The following CTNNA1 variants were observed in gnomAD, a reference collection of about 807,000 sequenced individuals.
The protein encoded by CTNNA1 is catenin alpha 1, also known as catenin alpha-1.
In CTNNA1, 37 loss-of-function variants were observed where a neutral mutation model predicts 98.4. That is an observed-to-expected ratio of 0.38 (90% CI 0.29 to 0.49). CTNNA1 has a LOEUF of 0.49. Ranked by LOEUF, CTNNA1 falls within the 20% of genes least tolerant of loss-of-function variation. The pLI is 0.95. For missense variants in CTNNA1, 761 were observed against 1,147.2 expected (o/e 0.66, Z 4.86); for synonymous variants, 404 against 413.2 (o/e 0.98, Z 0.27).
At chr5:138,895,956 C>T (rs288004) in intron 9 of CTNNA1, among the ~76,000 whole-genome samples, 48,705 of 152,022 alleles carry the variant, frequency 0.32, 8,071 homozygotes, top group African/African-American at 0.41. Context: ...CCAAATAAAA[C>T]AGTATAAAAA....
chr5:138,878,756 AG>A (rs990158543), intron 7 of CTNNA1, among the ~76,000 whole-genome samples: 18 of 152,184 alleles, frequency 1.2e-4, no homozygotes, highest in Admixed American at 1.1e-3. Context: ...GAGGGTAGAG[AG>A]GGAGCTTTAT....
chr5:138,776,558 G>A (rs969652167), intron 1 of CTNNA1, among the ~76,000 whole-genome samples: 3 of 152,194 alleles, frequency 2.0e-5, no homozygotes, highest in African/African-American at 2.4e-5. Flanking sequence ...TGAGCTGCTG[G>A]GCACACCTCC....
chr5:138,882,063 G>T (rs1365325856), intron 7 of CTNNA1, among the ~76,000 whole-genome samples: 1 of 152,170 alleles, frequency 6.6e-6, no homozygotes, highest in Non-Finnish European at 1.5e-5. Flanking sequence ...GTCTCTAATT[G>T]GTTATTGGTT....
chr5:138,835,378 A>G (rs978927681), intron 7 of CTNNA1, among the ~76,000 whole-genome samples: 1 of 152,208 alleles, frequency 6.6e-6, no homozygotes, highest in African/African-American at 2.4e-5. Flanking sequence ...TTTGTTATAC[A>G]GTTATGGTAT....
chr5:138,933,180 C>CAGAGAGGAATTAAGAGTAGACAT (rs1765776156), intron 17 of CTNNA1, among the ~76,000 whole-genome samples: 1 of 152,122 alleles, frequency 6.6e-6, no homozygotes, highest in Non-Finnish European at 1.5e-5. Context: ...TTTCTTCCCC[C>CAGAGAGGAATTAAGAGTAGACAT]AGAGAGGAAT....
chr5:138,864,699 C>T (rs923482700), intron 7 of CTNNA1, among the ~76,000 whole-genome samples: 5 of 152,194 alleles, frequency 3.3e-5, no homozygotes, highest in Non-Finnish European at 7.3e-5. Context: ...TGTTCGATTG[C>T]TCTCACTTGT....
At chr5:138,920,849 A>G (rs1181392812) in intron 11 of CTNNA1, among the ~76,000 whole-genome samples, 1 of 152,160 alleles carries the variant, frequency 6.6e-6, no homozygotes, top group African/African-American at 2.4e-5. Context: ...CCTCATACTT[A>G]GAACAAGTCA....
chr5:138,910,749 T>A (rs1760428972), intron 10 of CTNNA1, among the ~76,000 whole-genome samples: 1 of 152,108 alleles, frequency 6.6e-6, no homozygotes, highest in Non-Finnish European at 1.5e-5. Context: ...CCACGGAGGA[T>A]GTCTCAGGGG....
At chr5:138,765,971 A>G (rs111264564) in intron 1 of CTNNA1, among the ~76,000 whole-genome samples, 2 of 149,246 alleles carry the variant, frequency 1.3e-5, no homozygotes, top group East Asian at 2.0e-4. Flanking sequence ...AAAAAAAAAA[A>G]GGCAGTTTAT....
At chr5:138,925,520 G>C in intron 13 of CTNNA1, 113 bp downstream of exon 13, 1 of 1,384,238 alleles carries the variant, frequency 7.2e-7, no homozygotes, top group South Asian at 1.5e-5. Context: ...TTAAAACCAT[G>C]AATCTAAAAG....
intron 9 of CTNNA1, among the ~76,000 whole-genome samples, chr5:138,902,095 T>TA (rs1260066110): frequency 5.3e-5 from 8 of 152,194 alleles, no homozygotes. Flanking sequence ...TGTTTTAAAA[T>TA]AAAGAACAAG....
At chr5:138,783,153 T>C (rs1561521509) in intron 2 of CTNNA1, 24 bp from the exon 3 acceptor site, 2 of 1,545,166 alleles carry the variant, frequency 1.3e-6, no homozygotes, top group Non-Finnish European at 1.8e-6. Context: ...GACTCCAGTT[T>C]AATGTTAAAA....
intron 1 of CTNNA1, among the ~76,000 whole-genome samples, chr5:138,760,885 T>C (rs568803133): frequency 6.6e-6 from 1 of 152,354 alleles, no homozygotes; most frequent in Non-Finnish European, 1.5e-5. Context: ...AGGGGGGTTT[T>C]AATAGCAGGT....
intron 6 of CTNNA1, 58 bp from the exon 7 acceptor site, chr5:138,827,457 C>G: frequency 6.3e-7 from 1 of 1,576,210 alleles, no homozygotes; most frequent in Non-Finnish European, 8.7e-7. Flanking sequence ...CTTTTCTCAC[C>G]TTGAATAAAG....
chr5:138,894,816 G>C (rs1160191324), intron 9 of CTNNA1, among the ~76,000 whole-genome samples: 2 of 151,998 alleles, frequency 1.3e-5, no homozygotes, highest in African/African-American at 4.8e-5. Flanking sequence ...CTTTCGTCCT[G>C]TGTCTCCCTT....
At chr5:138,877,284 C>G (rs1751808899) in intron 7 of CTNNA1, among the ~76,000 whole-genome samples, 1 of 152,142 alleles carries the variant, frequency 6.6e-6, no homozygotes, top group African/African-American at 2.4e-5. Context: ...CATAAACTGT[C>G]TTGTGAAATT....
chr5:138,859,396 C>A (rs1764055592), intron 7 of CTNNA1, among the ~76,000 whole-genome samples: 1 of 152,186 alleles, frequency 6.6e-6, no homozygotes, highest in Non-Finnish European at 1.5e-5. Flanking sequence ...GTGATCTCAT[C>A]TAGGCTAGTG....
intron 7 of CTNNA1, among the ~76,000 whole-genome samples, chr5:138,861,644 A>G (rs1279403238): frequency 6.6e-6 from 1 of 152,214 alleles, no homozygotes; most frequent in African/African-American, 2.4e-5. Context: ...TGGGGACTTT[A>G]TTTGGTCATA....
chr5:138,892,755 G>A (rs931997410), intron 9 of CTNNA1, among the ~76,000 whole-genome samples: 1 of 151,998 alleles, frequency 6.6e-6, no homozygotes, highest in Non-Finnish European at 1.5e-5. Flanking sequence ...GGTGGATCAT[G>A]CCTGTAATCC....
Sources: gnomAD v4.1 joint callset for allele counts (sites outside exome capture counted in the v4.1 genomes callset) on GRCh38, gnomAD v4.1.1 for gene constraint, MANE v1.5 for transcripts, NCBI Gene and HGNC (gene_info 2026-07-23, HGNC 2026-07-21) for gene names.